The following MZT2A variants were observed in gnomAD, a reference collection of about 807,000 sequenced individuals.
The protein encoded by MZT2A is mitotic-spindle organizing protein 2A.
Under a neutral mutation model 12.4 loss-of-function variants are expected in MZT2A, and 8 were observed. The observed-to-expected ratio is 0.64, with a 90% CI of 0.38 to 1.16. MZT2A has a LOEUF of 1.16. Ranked by LOEUF, MZT2A falls within the 50% of genes most tolerant of loss-of-function variation. MZT2A has a pLI of 0.01. For missense variants in MZT2A, 181 were observed against 223.6 expected (o/e 0.81, Z 1.22); for synonymous variants, 88 against 107.5 (o/e 0.82, Z 1.12).
At chr2:131,489,004 C>G (rs1307381654) in intron 2 of MZT2A, among the ~76,000 whole-genome samples, 2 of 151,632 alleles carry the variant, frequency 1.3e-5, no homozygotes, top group East Asian at 3.9e-4. Context: ...TGTGCCCCCC[C>G]ACCTGCCTCC....
chr2:131,492,683 C>T (rs1180177227), upstream of MZT2A: 3 of 1,268,558 alleles, frequency 2.4e-6, no homozygotes, highest in East Asian at 1.0e-4. Context: ...CAGCACCCAG[C>T]CCAGTGCCAG....
chr2:131,479,873 G>A (rs1678794037), downstream of MZT2A, among the ~76,000 whole-genome samples: 1 of 152,158 alleles, frequency 6.6e-6, no homozygotes, highest in Non-Finnish European at 1.5e-5. Flanking sequence ...CCAGCATCTT[G>A]AGTCCTACTG....
chr2:131,492,784 G>GA (rs1345760560), upstream of MZT2A: 17 of 1,352,660 alleles, frequency 1.3e-5, 1 homozygote, highest in African/African-American at 1.6e-4. Flanking sequence ...CGCTCTTCGG[G>GA]GGGGGTGGGG....
chr2:131,484,085 C>T lies in MZT2A; in HGVS notation c.453G>A (p.Lys151=), dbSNP rs1455600751. The part of the protein sequence containing the change: ...TRLPKGGGPG[K]SPTQGST Reference sequence around the variant, plus strand: ...CCTAGGTGCTGCCCTGCGTAGGGCTCTTCCCAGGCCCGCCCCCCTTGGGCA... The same window carrying T: ...CCTAGGTGCTGCCCTGCGTAGGGCTTTTCCCAGGCCCGCCCCCCTTGGGCA... The change falls in exon 3 of 3, where the codon AAG becomes AAA. Residue 151 remains lysine, a synonymous_variant. Transcript: ENST00000309451. The T allele has an allele frequency of 7.4e-6, 12 of 1,612,964 alleles. No individual in the cohort carries two copies. In the Admixed American group the frequency reaches 1.5e-4, roughly 20 times the overall value.
chr2:131,472,816 C>T (rs1416495138), intron 2 of MZT2A, among the ~76,000 whole-genome samples: 2 of 152,100 alleles, frequency 1.3e-5, no homozygotes, highest in African/African-American at 2.4e-5. Flanking sequence ...GGACGCGTGG[C>T]TGGACTGAAG....
At chr2:131,493,138 C>G, upstream of MZT2A, 20 of 1,465,948 alleles carry the variant, frequency 1.4e-5, no homozygotes, top group Non-Finnish European at 1.8e-5. Flanking sequence ...ATGGGTCCCA[C>G]AGGTGAGTGG....
rs1031338850 is a variant in MZT2A, at chr2:131,476,085, G to A, written c.279-3903C>T. The stretch of plus-strand genomic sequence containing the variant: ...TCCGAGCCAATGGCGGCCTGGCACC[G>A]GCGGGCCAATCCCGTGCGGCGCGCA... On this transcript the variant is annotated intron_variant and NMD_transcript_variant, in intron 2 of 4. Coordinates refer to the MZT2A transcript ENST00000427024. 1,262 of 1,537,980 alleles carry A rather than the reference G, an allele frequency of 8.2e-4. 3 individuals carry two copies. Among genetic ancestry groups the A allele is most frequent in the Non-Finnish European group, 1.0e-3 (1,178 of 1,139,304 alleles).
At chr2:131,492,952 C>T (rs907004543), upstream of MZT2A, 3 of 1,525,636 alleles carry the variant, frequency 2.0e-6, no homozygotes, top group Admixed American at 4.0e-5. Context: ...ATTTCCCCTC[C>T]CTGGCCGGCC....
upstream of MZT2A, chr2:131,492,826 G>A: frequency 6.9e-7 from 1 of 1,450,618 alleles, no homozygotes; most frequent in Non-Finnish European, 9.2e-7. Flanking sequence ...TTACGCGCAC[G>A]CGCATTCCTT....
rs1275063964 is a variant in MZT2A, at chr2:131,491,926, T to C, written c.269A>G (p.Gln90Arg). The C allele has an allele frequency of 2.0e-6, 3 of 1,535,526 alleles. No individual in the cohort carries two copies. Among genetic ancestry groups the C allele is most frequent in the Admixed American group, 2.0e-5 (1 of 50,762 alleles). Residue 90 changes from glutamine to arginine, a missense_variant, in exon 2 of 3, where the codon CAG (glutamine) becomes CGG (arginine). Transcript: ENST00000309451. ...GGGCAGAGACACGGCCGCAGGGTCC[T>C]GGGGCTCGCTCGCTAGCCTCTGCCC... Reference protein sequence around the residue: ...CAGQRLASEPQDPAAVSLPTS... With the variant: ...CAGQRLASEPRDPAAVSLPTS...
downstream of MZT2A, among the ~76,000 whole-genome samples, chr2:131,482,184 G>C (rs1559351770): frequency 6.6e-6 from 1 of 152,224 alleles, no homozygotes; most frequent in Non-Finnish European, 1.5e-5. Context: ...TGTGTACTCT[G>C]AATCTATCTG....
chr2:131,490,393 T>TC, intron 2 of MZT2A: 1 of 1,180,618 alleles, frequency 8.5e-7, no homozygotes, highest in East Asian at 4.6e-5. Context: ...GGCTGTGCTC[T>TC]CCAGCAGAGC....
chr2:131,483,943 A>AAG (rs1678946059), downstream of MZT2A: 1 of 1,446,342 alleles, frequency 6.9e-7, no homozygotes, highest in African/African-American at 1.4e-5. Context: ...AAAAAAAAAA[A>AAG]AACAGTAGAG....
At chr2:131,486,186 T>C (rs1386380724) in intron 2 of MZT2A, among the ~76,000 whole-genome samples, 3 of 151,420 alleles carry the variant, frequency 2.0e-5, no homozygotes, top group Non-Finnish European at 4.4e-5. Context: ...CAGTGACTAG[T>C]GAAAAAGGCA....
downstream of MZT2A, chr2:131,482,638 C>T (rs1307097830): frequency 6.2e-7 from 1 of 1,614,118 alleles, no homozygotes; most frequent in Non-Finnish European, 8.5e-7. Context: ...TGAGCAACAC[C>T]ACGGCCATTG....
At chr2:131,478,514 G>C (rs1678747907) in intron 2 of MZT2A, 1 of 1,387,320 alleles carries the variant, frequency 7.2e-7, no homozygotes, top group Non-Finnish European at 9.6e-7. Flanking sequence ...CCATGGCATT[G>C]TTAGGAGAGA....
downstream of MZT2A, chr2:131,480,780 C>T: frequency 6.3e-7 from 1 of 1,594,778 alleles, no homozygotes; most frequent in Non-Finnish European, 8.6e-7. Flanking sequence ...GGCCTTTCAG[C>T]AAGCAGCAGA....
chr2:131,476,797 T>C (rs1373960516), intron 2 of MZT2A, among the ~76,000 whole-genome samples: 1 of 150,386 alleles, frequency 6.6e-6, no homozygotes, highest in Non-Finnish European at 1.5e-5. Flanking sequence ...TACCCGGGCA[T>C]GGTGATGCGA....
downstream of MZT2A, chr2:131,479,449 G>A (rs780624250): frequency 2.5e-6 from 4 of 1,613,970 alleles, no homozygotes; most frequent in Non-Finnish European, 3.4e-6. Flanking sequence ...GACCGGATCC[G>A]CAAACTGGTA....
Sources: gnomAD v4.1 joint callset for allele counts (sites outside exome capture counted in the v4.1 genomes callset) on GRCh38, gnomAD v4.1.1 for gene constraint, MANE v1.5 for transcripts, NCBI Gene and HGNC (gene_info 2026-07-23, HGNC 2026-07-21) for gene names.